ESRRG: variants seen among roughly 807,000 people sequenced by gnomAD.
ESRRG encodes estrogen-related receptor gamma.
A neutral mutation model predicts 44.0 loss-of-function variants in ESRRG; 13 were observed. The ratio of observed to expected loss-of-function variants is 0.30; its 90% CI spans 0.19 to 0.47. ESRRG has a LOEUF of 0.47. Among genes scored for constraint, ESRRG ranks in the 20% least tolerant of loss-of-function variants. The pLI is 1.00. For missense variants in ESRRG, 395 were observed against 580.6 expected (o/e 0.68, Z 3.29); for synonymous variants, 215 against 214.6 (o/e 1.00, Z -0.02).
At chr1:216,954,287 GC>G (rs1303594236) in intron 1 of ESRRG, among the ~76,000 whole-genome samples, 1 of 151,886 alleles carries the variant, frequency 6.6e-6, no homozygotes, top group African/African-American at 2.4e-5. Context: ...CTTCAACACA[GC>G]CCCTCTCCAC....
At chr1:216,693,712 C>A (rs1298819559) in intron 1 of ESRRG, among the ~76,000 whole-genome samples, 1 of 145,340 alleles carries the variant, frequency 6.9e-6, no homozygotes, top group African/African-American at 2.4e-5. Flanking sequence ...CAGATACAAT[C>A]ATACTTTTTT....
chr1:216,723,662 G>A (rs964525958), upstream of ESRRG, among the ~76,000 whole-genome samples: 4 of 152,226 alleles, frequency 2.6e-5, no homozygotes, highest in African/African-American at 9.6e-5. Context: ...AAAGGGAGCG[G>A]AGAAGGGAGC....
At position 217,070,858 on chromosome 1, in the gene ESRRG, A is replaced by G. The variant is rs114245377; in HGVS notation, c.-106+18649T>C. ...CTTGATTCGAAGGTAAAATACCACA[A>G]TGTAAATCTCAATTCCACTATTTCT... On this transcript the variant is annotated intron_variant, in intron 1 of 7. Transcript: ENST00000359162. Among the ~76,000 whole-genome samples the G allele has an allele frequency of 3.7e-3, 558 of 152,306 alleles. 5 individuals are homozygous for G. The highest frequency in any genetic ancestry group is 0.013 in the African/African-American group (524 of 41,570).
intron 2 of ESRRG, among the ~76,000 whole-genome samples, chr1:216,772,595 C>A (rs1177427367): frequency 6.6e-6 from 1 of 152,140 alleles, no homozygotes; most frequent in Non-Finnish European, 1.5e-5. Context: ...TTCCTCAATA[C>A]ATGAGAACAG....
chr1:216,949,328 G>C (rs10492960), intron 1 of ESRRG, among the ~76,000 whole-genome samples: 1 of 152,076 alleles, frequency 6.6e-6, no homozygotes, highest in Non-Finnish European at 1.5e-5. Context: ...TAATGTTGAA[G>C]GTTTCTTAAG....
intron 1 of ESRRG, among the ~76,000 whole-genome samples, chr1:217,011,102 G>T (rs1266539671): frequency 1.3e-5 from 2 of 152,140 alleles, no homozygotes; most frequent in Non-Finnish European, 2.9e-5. Context: ...CATATGATCT[G>T]CTTACTATGC....
intron 3 of ESRRG, among the ~76,000 whole-genome samples, chr1:216,624,179 T>C (rs759764985): frequency 8.5e-5 from 13 of 152,176 alleles, no homozygotes; most frequent in Non-Finnish European, 1.5e-4. Context: ...GTGTTAGAGC[T>C]CTAAAAGGCC....
chr1:217,038,776 T>C (rs1482518962), intron 1 of ESRRG, among the ~76,000 whole-genome samples: 1 of 152,220 alleles, frequency 6.6e-6, no homozygotes, highest in African/African-American at 2.4e-5. Context: ...AGTTCCTTGT[T>C]ACTTATGCAA....
chr1:216,899,949 T>C (rs1243771379), intron 2 of ESRRG, among the ~76,000 whole-genome samples: 1 of 152,192 alleles, frequency 6.6e-6, no homozygotes, highest in African/African-American at 2.4e-5. Context: ...ATCTGAGTTA[T>C]GTCTTATGCA....
chr1:217,068,084 C>A (rs1327662251), intron 1 of ESRRG, among the ~76,000 whole-genome samples: 1 of 152,190 alleles, frequency 6.6e-6, no homozygotes, highest in Non-Finnish European at 1.5e-5. Flanking sequence ...AGTACAAGGT[C>A]ATTTCTCTCT....
At chr1:216,911,184 G>A (rs1023776634) in intron 2 of ESRRG, among the ~76,000 whole-genome samples, 1 of 152,068 alleles carries the variant, frequency 6.6e-6, no homozygotes, top group Non-Finnish European at 1.5e-5. Flanking sequence ...GATGTTTATT[G>A]CAGTTTTATT....
At chr1:216,975,157 C>A (rs1360088045) in intron 1 of ESRRG, among the ~76,000 whole-genome samples, 2 of 152,140 alleles carry the variant, frequency 1.3e-5, no homozygotes, top group African/African-American at 4.8e-5. Context: ...AACAGTTACC[C>A]TTACAGACAT....
At chr1:216,901,159 T>C (rs1419865808) in intron 2 of ESRRG, among the ~76,000 whole-genome samples, 1 of 151,946 alleles carries the variant, frequency 6.6e-6, no homozygotes, top group Non-Finnish European at 1.5e-5. Flanking sequence ...ATCTGCTTTG[T>C]TGTGTGCATG....
intron 1 of ESRRG, among the ~76,000 whole-genome samples, chr1:217,013,691 T>G (rs749433008): frequency 6.6e-6 from 1 of 152,288 alleles, no homozygotes; most frequent in Non-Finnish European, 1.5e-5. Flanking sequence ...AAGTATACAT[T>G]AGCAACACAG....
chr1:216,713,946 GAAA>G (rs1299728372), intron 1 of ESRRG, among the ~76,000 whole-genome samples: 1 of 152,174 alleles, frequency 6.6e-6, no homozygotes, highest in African/African-American at 2.4e-5. Flanking sequence ...ACAGTTAACT[GAAA>G]ACAGTTTGTA....
chr1:216,537,448 G>A (rs1352388436), intron 5 of ESRRG, among the ~76,000 whole-genome samples: 1 of 152,052 alleles, frequency 6.6e-6, no homozygotes, highest in Admixed American at 6.6e-5. Context: ...TTCAGGCAGA[G>A]GGAATGGAAA....
chr1:217,102,706 T>C (rs2092535383), intron 1 of ESRRG, among the ~76,000 whole-genome samples: 1 of 152,214 alleles, frequency 6.6e-6, no homozygotes, highest in Non-Finnish European at 1.5e-5. Flanking sequence ...CAAGCAATGT[T>C]TTTCTAATCC....
At chr1:216,913,021 G>A (rs1408337196) in intron 2 of ESRRG, among the ~76,000 whole-genome samples, 1 of 150,102 alleles carries the variant, frequency 6.7e-6, no homozygotes, top group Non-Finnish European at 1.5e-5. Flanking sequence ...TACTCATGAG[G>A]CTAAGACAGG....
intron 1 of ESRRG, among the ~76,000 whole-genome samples, chr1:217,122,547 G>A (rs1402811818): frequency 6.6e-6 from 1 of 151,938 alleles, no homozygotes; most frequent in Non-Finnish European, 1.5e-5. Flanking sequence ...AAGCCCAGGT[G>A]TATATACAGG....
Sources: allele counts gnomAD v4.1 joint callset (sites outside exome capture counted in the v4.1 genomes callset), GRCh38; gene constraint gnomAD v4.1.1; transcripts MANE v1.5; gene names NCBI Gene and HGNC (gene_info 2026-07-23, HGNC 2026-07-21).